The following WDHD1 variants were observed in gnomAD, a reference collection of about 807,000 sequenced individuals.
WDHD1 encodes WD repeat and HMG-box DNA binding protein 1, also known as WD repeat and HMG-box DNA-binding protein 1.
A neutral mutation model predicts 135.4 loss-of-function variants in WDHD1; 111 were observed. The ratio of observed to expected loss-of-function variants is 0.82; its 90% confidence interval spans 0.70 to 0.96. The LOEUF (loss-of-function observed/expected upper bound fraction) is 0.96. Ranked by LOEUF, WDHD1 falls within the 40% of genes least tolerant of loss-of-function variation. The probability of loss-of-function intolerance (pLI) is 0.00; values close to 1 mark genes in which losing one functional copy is unlikely to be tolerated. For synonymous variants in WDHD1, 434 were observed against 439.0 expected (o/e 0.99, Z 0.14); for missense variants, 1,351 against 1,336.3 (o/e 1.01, Z -0.17).
chr14:54,995,292 G>C (rs10150110), intron 11 of WDHD1, among the ~76,000 whole-genome samples: 3 of 151,866 alleles, frequency 2.0e-5, no homozygotes, highest in Admixed American at 6.6e-5. Flanking sequence ...TATTGATCTT[G>C]TCAAAGAACC....
At chr14:54,957,717 T>C (rs1395577353) in intron 21 of WDHD1, 82 bp from the exon 22 acceptor site, 1 of 1,126,146 alleles carries the variant, frequency 8.9e-7, no homozygotes, top group Non-Finnish European at 1.3e-6. Context: ...CAGAGTATTT[T>C]AATCCCCATT....
At chr14:54,989,319 A>G (rs969548157) in intron 12 of WDHD1, 107 bp from the exon 13 acceptor site, 3 of 862,428 alleles carry the variant, frequency 3.5e-6, no homozygotes, top group Non-Finnish European at 5.1e-6. Flanking sequence ...ATTTGTATTA[A>G]GATTTAGGTT....
chr14:54,967,188 T>C (rs1390734119), intron 17 of WDHD1, 92 bp downstream of exon 17: 3 of 1,054,882 alleles, frequency 2.8e-6, no homozygotes, highest in Non-Finnish European at 4.3e-6. Flanking sequence ...GTAATGAATA[T>C]TCAATACTGG....
chr14:55,019,529 A>T (rs969291086), intron 2 of WDHD1, among the ~76,000 whole-genome samples: 1 of 152,168 alleles, frequency 6.6e-6, no homozygotes, highest in Non-Finnish European at 1.5e-5. Context: ...TCTACCCCCA[A>T]TAAACCAGAT....
rs1286642751 is a variant in WDHD1, at chr14:55,000,624, T to C, written c.821A>G (p.Tyr274Cys). The C allele has an allele frequency of 6.3e-7, 1 of 1,585,772 alleles. No individual in the cohort carries two copies. Among genetic ancestry groups the C allele is most frequent in the Non-Finnish European group, 8.6e-7 (1 of 1,165,830 alleles). ...CMERVKHEKG[Y>C]AICGLAWHPT... The stretch of plus-strand genomic sequence containing the variant: ...ATGCCATGCCAGACCACAAATTGCA[T>C]AACCTTTCTCATGTTTCACCCTAAA... The change falls in exon 10 of 26, where the codon TAT becomes TGT. Residue 274 changes from tyrosine (Y) to cysteine (C), a missense_variant. Tyr to Cys is a radical substitution (Grantham distance 194). Coordinates refer to ENST00000360586, the MANE Select transcript of WDHD1 (RefSeq NM_007086.4).
chr14:55,003,256 T>C (rs925677819), intron 7 of WDHD1, among the ~76,000 whole-genome samples: 1 of 152,126 alleles, frequency 6.6e-6, no homozygotes, highest in East Asian at 1.9e-4. Context: ...AGGCCTATAA[T>C]CTCAGCACTT....
rs943725282 is a variant in WDHD1, at chr14:55,008,456, A to T, written c.454-90T>A. ...ATTAATTAAATCAAAAAGCCCTTTT[A>T]TCAACTGGGTGAAATTTCCTGCTAA... On this transcript the variant is annotated intron_variant, in intron 5 of 25. Coordinates refer to ENST00000360586, the MANE Select transcript of WDHD1 (RefSeq NM_007086.4). 2.0e-6 allele frequency: 3 copies of T among 1,487,300 alleles called. No homozygotes were observed. In the African/African-American group the frequency reaches 4.2e-5, roughly 21 times the overall value. The allele number at this position is 1,487,300 out of a possible 1,614,324, so 92.1% of individuals were successfully genotyped here.
intron 2 of WDHD1, among the ~76,000 whole-genome samples, chr14:55,015,030 G>T (rs2042236502): frequency 1.3e-5 from 2 of 152,164 alleles, no homozygotes; most frequent in Non-Finnish European, 2.9e-5. Context: ...GCCAGAGTAA[G>T]GTGGTTAGGC....
chr14:55,026,265 G>GA (rs1321594233), intron 2 of WDHD1, among the ~76,000 whole-genome samples: 1 of 152,020 alleles, frequency 6.6e-6, no homozygotes, highest in Non-Finnish European at 1.5e-5. Flanking sequence ...ATAACCGTAG[G>GA]AAAATATTAT....
rs1265875623 is a variant in WDHD1 at position 54,939,618 on chromosome 14, G to A, written c.*1872C>T. The A allele has an allele frequency of 6.7e-6, 1 of 149,846 alleles. No homozygotes were observed. The highest frequency in any genetic ancestry group is 1.5e-5 in the Non-Finnish European group (1 of 67,680). The allele number at this position is 149,846 out of a possible 1,614,324, so 9.3% of individuals were successfully genotyped here. A position where few individuals can be genotyped will look rare whatever the true frequency, so the allele number is the denominator to read the frequency against. ...AAAAAAGAACACTGGAAAAAAACAG[G>A]TTTACTATTATATAGCAGAGAAATA... On this transcript the variant is annotated 3_prime_UTR_variant, in exon 26 of 26. Transcript: ENST00000360586.
At chr14:55,014,739 G>A (rs2042232340) in intron 2 of WDHD1, among the ~76,000 whole-genome samples, 1 of 151,310 alleles carries the variant, frequency 6.6e-6, no homozygotes, top group South Asian at 2.1e-4. Context: ...ATAATAAACA[G>A]CAAAAAAAAT....
chr14:54,993,559 G>A (rs1486934695), intron 11 of WDHD1, among the ~76,000 whole-genome samples: 2 of 152,282 alleles, frequency 1.3e-5, no homozygotes, highest in Non-Finnish European at 2.9e-5. Context: ...AATTGAATGT[G>A]CTATTAAAAG....
Position 54,987,451 on chromosome 14 carries a change from T to TATATAA in WDHD1, c.1527-65_1527-64insTTATAT, listed in dbSNP as rs1385795377. 28 of 1,362,328 alleles carry TATATAA rather than the reference T, an allele frequency of 2.1e-5. No homozygotes were observed. The African/African-American group carries it at 3.9e-4, about 19-fold the overall frequency. The allele number at this position is 1,362,328 out of a possible 1,614,324, so 84.4% of individuals were successfully genotyped here. A position where few individuals can be genotyped will look rare whatever the true frequency, so the allele number is the denominator to read the frequency against. ...TATGATATTTACATATATATATATA[T>TATATAA]AAGCAATCATGATATTCAACAAAAA... On this transcript the variant is annotated intron_variant, in intron 13 of 25. Coordinates refer to ENST00000360586, the MANE Select transcript of WDHD1 (RefSeq NM_007086.4).
At chr14:54,957,396 G>T (rs1380981997) in intron 22 of WDHD1, among the ~76,000 whole-genome samples, 192 bp from the exon 23 acceptor site, 2 of 152,144 alleles carry the variant, frequency 1.3e-5, no homozygotes, top group Non-Finnish European at 2.9e-5. Context: ...AAAGACAGAG[G>T]TATCTTTCAA....
chr14:54,974,432 C>CAA (rs1400309694), intron 16 of WDHD1, among the ~76,000 whole-genome samples: 6 of 102,132 alleles, frequency 5.9e-5, no homozygotes, highest in Admixed American at 2.1e-4. Context: ...GATTCTGTCT[C>CAA]AAAAAAAAAA....
chr14:54,964,948 G>T (rs1056859621), intron 18 of WDHD1, among the ~76,000 whole-genome samples: 3 of 152,102 alleles, frequency 2.0e-5, no homozygotes, highest in Non-Finnish European at 4.4e-5. Context: ...CTTTATAAAA[G>T]GAATAAAACT....
At position 54,942,078 on chromosome 14, in the gene WDHD1, G is replaced by A. The variant is rs553054018; in HGVS notation, c.3190-388C>T. On this transcript the variant is annotated intron_variant, in intron 25 of 25. Coordinates refer to ENST00000360586, the MANE Select transcript of WDHD1 (RefSeq NM_007086.4). ...ATCCTGGCTAACACAGTGAAACCCC[G>A]TCTCTACTAAAAATACAAAAAAATT... Among the ~76,000 whole-genome samples the A allele has an allele frequency of 4.3e-4, 65 of 151,816 alleles. No individual in the cohort carries two copies. In the South Asian group the frequency reaches 0.013, roughly 29 times the overall value.
intron 21 of WDHD1, 113 bp downstream of exon 21, chr14:54,962,385 C>A (rs1042520479): frequency 2.6e-6 from 2 of 783,426 alleles, no homozygotes; most frequent in African/African-American, 3.5e-5. Flanking sequence ...AAAACATAAA[C>A]ACACACACAC....
Position 54,989,114 on chromosome 14 carries a change from G to C in WDHD1, c.1440C>G (p.His480Gln). ...TTGTATAATTCAAAGTGTTTGATAAGTGTGTTGCATGGTGTATGGAGGTAT... is the reference window on the plus strand; with the variant it reads ...TTGTATAATTCAAAGTGTTTGATAACTGTGTTGCATGGTGTATGGAGGTAT... ...FHDTSIHHAT[H>Q]LSNTLNYTIA... Residue 480 changes from histidine to glutamine, a missense_variant, in exon 13 of 26, where the codon CAC becomes CAG. His to Gln is a conservative substitution (Grantham distance 24). Transcript: ENST00000360586. 1 of 1,613,850 alleles carries C rather than the reference G, an allele frequency of 6.2e-7. No homozygotes were observed. The highest frequency in any genetic ancestry group is 8.5e-7 in the Non-Finnish European group (1 of 1,179,852).
Sources: gnomAD v4.1 joint callset for allele counts (sites outside exome capture counted in the v4.1 genomes callset) on GRCh38, gnomAD v4.1.1 for gene constraint, MANE v1.5 for transcripts, NCBI Gene and HGNC (gene_info 2026-07-23, HGNC 2026-07-21) for gene names.